Variants in CREB3L2 observed in about 807,000 individuals in gnomAD.
CREB3L2 encodes cAMP responsive element binding protein 3 like 2.
In CREB3L2, 23 loss-of-function variants were observed where a neutral mutation model predicts 57.2. That is an observed-to-expected ratio of 0.40 (90% confidence interval 0.29 to 0.57). The LOEUF is 0.57. Ranked by LOEUF, CREB3L2 falls within the 20% of genes least tolerant of loss-of-function variation. The pLI, the probability that CREB3L2 is intolerant of heterozygous loss-of-function variation, is 0.42. For synonymous variants in CREB3L2, 268 were observed against 265.1 expected, an observed-to-expected ratio of 1.01 and a Z score of -0.11; for missense variants, 628 against 634.7, an observed-to-expected ratio of 0.99 and a Z score of 0.11.
chr7:137,942,436 G>A (rs1334098890), intron 1 of CREB3L2, among the ~76,000 whole-genome samples: 1 of 152,194 alleles, frequency 6.6e-6, no homozygotes, highest in Non-Finnish European at 1.5e-5. Flanking sequence ...TAAATGAATA[G>A]GGAAACATCA....
intron 1 of CREB3L2, among the ~76,000 whole-genome samples, chr7:137,950,095 C>T (rs1237637729): frequency 6.6e-6 from 1 of 152,198 alleles, no homozygotes; most frequent in Non-Finnish European, 1.5e-5. Flanking sequence ...CAAAGTTGCA[C>T]AGCTGAGGAA....
At chr7:137,983,726 T>C (rs1801748814) in intron 1 of CREB3L2, among the ~76,000 whole-genome samples, 1 of 152,228 alleles carries the variant, frequency 6.6e-6, no homozygotes. Context: ...ACCTCTCTGC[T>C]TTACCTCTCC....
intron 2 of CREB3L2, among the ~76,000 whole-genome samples, chr7:137,920,950 T>C (rs988579282): frequency 2.0e-5 from 3 of 152,032 alleles, no homozygotes; most frequent in Non-Finnish European, 4.4e-5. Context: ...AAGGACAGAG[T>C]AGAGGAGAAG....
intron 3 of CREB3L2, among the ~76,000 whole-genome samples, chr7:137,914,497 T>C (rs1288910340): frequency 6.6e-6 from 1 of 152,132 alleles, no homozygotes; most frequent in African/African-American, 2.4e-5. Flanking sequence ...CCAGGCGTGG[T>C]GGCTGGTGCC....
At chr7:137,903,744 A>T (rs546010066) in intron 7 of CREB3L2, among the ~76,000 whole-genome samples, 11 of 152,350 alleles carry the variant, frequency 7.2e-5, no homozygotes, top group South Asian at 2.1e-4. Context: ...GGTATGATTC[A>T]AACACCTACT....
chr7:137,920,227 G>A (rs1166147944), intron 2 of CREB3L2, among the ~76,000 whole-genome samples: 2 of 152,222 alleles, frequency 1.3e-5, no homozygotes, highest in African/African-American at 4.8e-5. Flanking sequence ...GTGGCTTGAT[G>A]TACCATTGGT....
chr7:137,922,864 T>C (rs1800367342), intron 2 of CREB3L2: 1 of 185,794 alleles, frequency 5.4e-6, no homozygotes, highest in Admixed American at 5.8e-5. Flanking sequence ...TTCAAAGGAG[T>C]TGGCAAATCT....
intron 1 of CREB3L2, among the ~76,000 whole-genome samples, chr7:137,983,954 T>C (rs1801752800): frequency 6.6e-6 from 1 of 152,158 alleles, no homozygotes; most frequent in African/African-American, 2.4e-5. Context: ...TGCTCTCCAG[T>C]GAAGGAACTT....
At chr7:137,912,252 C>T (rs2117214274) in intron 4 of CREB3L2, among the ~76,000 whole-genome samples, 1 of 151,976 alleles carries the variant, frequency 6.6e-6, no homozygotes, top group Non-Finnish European at 1.5e-5. Context: ...TGGTGCACGC[C>T]TGTAATTGCA....
In CREB3L2 at chr7:138,001,787, T is replaced by C. The variant is rs1802082710; in HGVS notation, c.-82A>G. 1.5e-5 allele frequency: 15 copies of C among 1,016,936 alleles called. No homozygotes were observed. The highest frequency in any genetic ancestry group is 8.5e-5 in the South Asian group (5 of 58,706). The allele number at this position is 1,016,936 out of a possible 1,614,324, so 63.0% of individuals were successfully genotyped here. On this transcript the variant is annotated 5_prime_UTR_variant, in exon 1 of 12. Transcript: ENST00000330387. The surrounding 1 kb of genome is among the most constrained non-coding windows in gnomAD (Gnocchi z 4.2). ...CTGCCTCGGACCGGCAAGGTTCCTCTCTCTCCGCGTGTGCTTGCGTGTGTG... is the reference window on the plus strand; with the variant it reads ...CTGCCTCGGACCGGCAAGGTTCCTCCCTCTCCGCGTGTGCTTGCGTGTGTG...
intron 1 of CREB3L2, among the ~76,000 whole-genome samples, chr7:137,951,576 A>ATGTATAAGTATGG (rs1801099729): frequency 6.6e-6 from 1 of 152,246 alleles, no homozygotes; most frequent in East Asian, 1.9e-4. Context: ...ACTTATTGAA[A>ATGTATAAGTATGG]TGTATAAGTA....
rs1554497987 is a variant in CREB3L2 at position 137,922,382 on chromosome 7, A to ATG, written c.319+5766_319+5767dup. 4.1e-3 allele frequency among the ~76,000 whole-genome samples: 425 copies of ATG among 102,720 alleles called. 8 individuals are homozygous for ATG. Among genetic ancestry groups the ATG allele is most frequent in the African/African-American group, 0.022 (289 of 12,936 alleles). The allele number at this position is 102,720 out of a possible 152,430, so 67.4% of individuals were successfully genotyped here. A position where few individuals can be genotyped will look rare whatever the true frequency, so the allele number is the denominator to read the frequency against. ...ACTTTCTGGTTTACTATATATATATATGTATATATATATATATATATATAT... is the reference window on the plus strand; with the variant it reads ...ACTTTCTGGTTTACTATATATATATATGTGTATATATATATATATATATATAT... On this transcript the variant is annotated intron_variant, in intron 2 of 11. Coordinates refer to ENST00000330387, the MANE Select transcript of CREB3L2 (RefSeq NM_194071.4).
chr7:137,951,706 G>A (rs924211155), intron 1 of CREB3L2, among the ~76,000 whole-genome samples: 1 of 152,226 alleles, frequency 6.6e-6, no homozygotes, highest in Admixed American at 6.5e-5. Context: ...AAACAGGCCA[G>A]ACATGGTGGC....
chr7:137,879,078 T>C lies in CREB3L2; in HGVS notation c.*1398A>G, dbSNP rs1799223680. On this transcript the variant is annotated 3_prime_UTR_variant, in exon 12 of 12. Coordinates refer to ENST00000330387, the MANE Select transcript of CREB3L2 (RefSeq NM_194071.4). ...GCTCGGAAAAAACACTTGAGGGTTT[T>C]CTACATTACACAATAAAAAGGCAAT... 2.2e-6 allele frequency: 1 copy of C among 453,612 alleles called. No individual in the cohort carries two copies. Among genetic ancestry groups the C allele is most frequent in the Admixed American group, 3.3e-5 (1 of 30,142 alleles). The allele number at this position is 453,612 out of a possible 1,614,324, so 28.1% of individuals were successfully genotyped here.
chr7:138,001,571 A>C lies in CREB3L2; in HGVS notation c.102+33T>G. 6.5e-7 allele frequency: 1 copy of C among 1,536,282 alleles called. No individual in the cohort carries two copies. The highest frequency in any genetic ancestry group is 8.9e-7 in the Non-Finnish European group (1 of 1,120,906). On this transcript the variant is annotated intron_variant, in intron 1 of 11. Transcript: ENST00000330387. This position sits in a 1 kb window ranked among gnomAD's most constrained non-coding sequence, Gnocchi z 4.2. ...CGCGTGACAACACTTGCCCGCTTTG[A>C]AAGCCCTCCTGCCCCGCCCGCCGGG... is the stretch of plus-strand genomic sequence containing the variant.
At chr7:137,933,921 A>C (rs1285751755) in intron 1 of CREB3L2, 1 of 152,274 alleles carries the variant, frequency 6.6e-6, no homozygotes. Context: ...AAGGGGCCTT[A>C]TGGTCCTGAA....
chr7:137,898,981 A>AGGG, intron 8 of CREB3L2, among the ~76,000 whole-genome samples: 1 of 149,726 alleles, frequency 6.7e-6, no homozygotes, highest in African/African-American at 2.5e-5. Flanking sequence ...GGAAGGAAGG[A>AGGG]AGGAAGGAGG....
At chr7:137,924,668 T>C (rs549904421) in intron 2 of CREB3L2, among the ~76,000 whole-genome samples, 3 of 152,198 alleles carry the variant, frequency 2.0e-5, no homozygotes, top group Admixed American at 6.5e-5. Context: ...GTTTTCTTGT[T>C]GTTGTTGCCT....
intron 1 of CREB3L2, among the ~76,000 whole-genome samples, chr7:137,952,447 G>C (rs1324658020): frequency 1.3e-5 from 2 of 152,164 alleles, no homozygotes; most frequent in Non-Finnish European, 2.9e-5. Flanking sequence ...TGTCACCTTA[G>C]AGAAACAGTG....
Sources: gnomAD v4.1 joint callset for allele counts (sites outside exome capture counted in the v4.1 genomes callset) on GRCh38, gnomAD v4.1.1 for gene constraint, Gnocchi (gnomAD v3.1) non-coding constraint, MANE v1.5 for transcripts, NCBI Gene and HGNC (gene_info 2026-07-23, HGNC 2026-07-21) for gene names.